The following GRIP1 variants were observed in gnomAD, a reference collection of about 807,000 sequenced individuals.
The protein encoded by GRIP1 is glutamate receptor interacting protein 1.
Under a neutral mutation model 129.9 loss-of-function variants are expected in GRIP1, and 45 were observed. The ratio of observed to expected loss-of-function variants is 0.35; its 90% CI spans 0.27 to 0.44. GRIP1 has a LOEUF of 0.44. Among genes scored for constraint, GRIP1 ranks in the 20% least tolerant of loss-of-function variants. The pLI is 1.00. For missense variants in GRIP1, 1,196 were observed against 1,396.8 expected, an observed-to-expected ratio of 0.86 and a Z score of 2.29; for synonymous variants, 530 against 520.8, an observed-to-expected ratio of 1.02 and a Z score of -0.24.
chr12:66,698,935 A>G (rs1468519710), intron 1 of GRIP1, among the ~76,000 whole-genome samples: 1 of 152,210 alleles, frequency 6.6e-6, no homozygotes, highest in Non-Finnish European at 1.5e-5. Flanking sequence ...CTACCCTTGC[A>G]GCGTTGTTGG....
intron 15 of GRIP1, among the ~76,000 whole-genome samples, chr12:66,410,123 G>A (rs948226427): frequency 4.0e-5 from 6 of 148,852 alleles, no homozygotes; most frequent in Non-Finnish European, 7.5e-5. Context: ...AGTGGCGGGC[G>A]CCTGTAGTCC....
At chr12:66,443,745 CATGCCTGGCCTACTGCAATA>C (rs2058537292) in intron 13 of GRIP1, among the ~76,000 whole-genome samples, 1 of 152,158 alleles carries the variant, frequency 6.6e-6, no homozygotes, top group Non-Finnish European at 1.5e-5. Context: ...CATGAGGTAC[CATGCCTGGCCTACTGCAATA>C]TTCTTGACCC....
At chr12:66,767,215 T>G (rs1456717588) in intron 1 of GRIP1, among the ~76,000 whole-genome samples, 3 of 152,182 alleles carry the variant, frequency 2.0e-5, no homozygotes, top group Non-Finnish European at 4.4e-5. Context: ...AAAATACTAT[T>G]TTTTGCCACG....
chr12:67,049,726 A>G (rs971051901), intron 1 of GRIP1, among the ~76,000 whole-genome samples: 4 of 150,714 alleles, frequency 2.7e-5, no homozygotes, highest in African/African-American at 9.9e-5. Flanking sequence ...CTTAAAGTAC[A>G]ATTAAAAAAA....
intron 1 of GRIP1, among the ~76,000 whole-genome samples, chr12:66,854,345 G>A (rs146623817): frequency 6.7e-6 from 1 of 149,438 alleles, no homozygotes; most frequent in Non-Finnish European, 1.5e-5. Flanking sequence ...TGGTGGTGAG[G>A]GACTAAATTA....
intron 1 of GRIP1, among the ~76,000 whole-genome samples, chr12:66,728,886 T>A (rs1328975228): frequency 6.6e-6 from 1 of 152,076 alleles, no homozygotes; most frequent in Non-Finnish European, 1.5e-5. Context: ...TAAGGTGATG[T>A]CTATAAATCC....
chr12:66,409,886 G>A (rs1385648324), intron 15 of GRIP1, among the ~76,000 whole-genome samples: 1 of 152,182 alleles, frequency 6.6e-6, no homozygotes, highest in East Asian at 1.9e-4. Flanking sequence ...AAATTCTGGA[G>A]TTGAAAAATG....
chr12:66,701,619 C>T (rs181142698), intron 1 of GRIP1, among the ~76,000 whole-genome samples: 2 of 152,262 alleles, frequency 1.3e-5, no homozygotes, highest in Admixed American at 6.5e-5. Flanking sequence ...CCTCTGGATT[C>T]CTCCTATTAT....
chr12:66,979,240 A>AAAAAAC (rs1566104035), intron 1 of GRIP1, among the ~76,000 whole-genome samples: 1 of 146,364 alleles, frequency 6.8e-6, no homozygotes, highest in African/African-American at 2.6e-5. Context: ...AAAAAAAAAA[A>AAAAAAC]AAAAAAAAAA....
chr12:66,543,549 A>G (rs1415119645), intron 2 of GRIP1, among the ~76,000 whole-genome samples: 1 of 152,192 alleles, frequency 6.6e-6, no homozygotes. Context: ...TTAAAACAAA[A>G]CAAAGCAAAC....
chr12:66,455,833 T>TGTCCATGAACAACTCA (rs1207369042), intron 10 of GRIP1, among the ~76,000 whole-genome samples: 1 of 152,252 alleles, frequency 6.6e-6, no homozygotes, highest in Non-Finnish European at 1.5e-5. Context: ...AGAACAACTT[T>TGTCCATGAACAACTCA]GTCCATGAAC....
intron 1 of GRIP1, among the ~76,000 whole-genome samples, chr12:66,628,656 G>A (rs1301504377): frequency 1.3e-5 from 2 of 152,208 alleles, no homozygotes; most frequent in African/African-American, 4.8e-5. Context: ...TCCACCAGGG[G>A]TGAATTTGCT....
chr12:66,535,590 A>C (rs911977346), intron 4 of GRIP1, among the ~76,000 whole-genome samples: 8 of 152,190 alleles, frequency 5.3e-5, no homozygotes, highest in African/African-American at 1.4e-4. Context: ...GAAATGAGCA[A>C]AGCTGCCATG....
chr12:66,577,488 C>T (rs117497959), intron 2 of GRIP1, among the ~76,000 whole-genome samples: 314 of 152,226 alleles, frequency 2.1e-3, no homozygotes, highest in Middle Eastern at 3.4e-3. Flanking sequence ...TAAGAGCACT[C>T]CGAGTTCCAC....
chr12:66,880,268 G>GT (rs1390497500), intron 1 of GRIP1, among the ~76,000 whole-genome samples: 27 of 152,106 alleles, frequency 1.8e-4, no homozygotes, highest in Non-Finnish European at 7.4e-5. Flanking sequence ...ATTGTGGGTG[G>GT]TAAGATCTGC....
chr12:66,611,342 A>T (rs2064783911), intron 1 of GRIP1, among the ~76,000 whole-genome samples: 1 of 152,186 alleles, frequency 6.6e-6, no homozygotes, highest in South Asian at 2.1e-4. Context: ...TTGTTAGACT[A>T]AGTAGAAAGC....
intron 1 of GRIP1, among the ~76,000 whole-genome samples, chr12:66,761,667 T>C (rs1219450617): frequency 6.6e-6 from 1 of 152,182 alleles, no homozygotes; most frequent in East Asian, 1.9e-4. Flanking sequence ...TGCCTTTCCT[T>C]TGGAGTCTAG....
intron 20 of GRIP1, among the ~76,000 whole-genome samples, chr12:66,377,565 T>C (rs868225996): frequency 1.3e-5 from 2 of 149,436 alleles, no homozygotes; most frequent in South Asian, 4.2e-4. Flanking sequence ...GGTCTCGATC[T>C]CCTGACTTCG....
intron 11 of GRIP1, among the ~76,000 whole-genome samples, chr12:66,448,951 T>G (rs978243608): frequency 6.6e-6 from 1 of 152,164 alleles, no homozygotes; most frequent in Non-Finnish European, 1.5e-5. Context: ...CTCCTGCCCA[T>G]CCACTCTCCT....
Sources: gnomAD v4.1 joint callset for allele counts (sites outside exome capture counted in the v4.1 genomes callset) on GRCh38, gnomAD v4.1.1 for gene constraint, MANE v1.5 for transcripts, NCBI Gene and HGNC (gene_info 2026-07-23, HGNC 2026-07-21) for gene names.